PRTG: variants seen among roughly 807,000 people sequenced by gnomAD.
PRTG encodes immunoglobulin superfamily, DCC subclass, member 5.
Under a neutral mutation model 122.5 loss-of-function variants are expected in PRTG, and 67 were observed. The ratio of observed to expected loss-of-function variants is 0.55; its 90% CI spans 0.45 to 0.67. The LOEUF is 0.67. PRTG is among the 30% of genes least tolerant of loss of function. The pLI is 0.00. For synonymous variants in PRTG, 554 were observed against 501.1 expected (o/e 1.11, Z -1.41); for missense variants, 1,435 against 1,415.4 (o/e 1.01, Z -0.22).
In PRTG at chr15:55,618,765, A is replaced by G. The variant is rs956077259; in HGVS notation, c.*1247T>C. The G allele has an allele frequency of 2.6e-5, 4 of 152,220 alleles. No individual in the cohort carries two copies. Among genetic ancestry groups the G allele is most frequent in the Non-Finnish European group, 5.9e-5 (4 of 68,038 alleles). 9.4% of individuals were successfully genotyped at this position (152,220 alleles called of 1,614,324 possible). ...ATGCCTTGGTAAGATACTATACATC[A>G]AAATAGTTACTGATAAAATCCAAGA... On this transcript the variant is annotated 3_prime_UTR_variant, in exon 20 of 20. Coordinates refer to ENST00000389286, the MANE Select transcript of PRTG (RefSeq NM_173814.6).
chr15:55,682,324 TA>T, intron 4 of PRTG, 39 bp downstream of exon 4: 1 of 1,486,166 alleles, frequency 6.7e-7, no homozygotes, highest in Non-Finnish European at 9.0e-7. Flanking sequence ...ACTGCGCCAA[TA>T]AAACGTCATA....
At chr15:55,741,649 G>A (rs12438394) in intron 1 of PRTG, among the ~76,000 whole-genome samples, 56,060 of 152,030 alleles carry the variant, frequency 0.37, 12,778 homozygotes, top group Non-Finnish European at 0.52. Context: ...GGTGTGTGGG[G>A]GAAGCGTTGC....
intron 11 of PRTG, among the ~76,000 whole-genome samples, chr15:55,662,095 G>C (rs954345561): frequency 1.3e-5 from 2 of 152,190 alleles, no homozygotes; most frequent in Admixed American, 1.3e-4. Flanking sequence ...AAATTTTTTG[G>C]AAAGTTGAAC....
At position 55,681,085 on chromosome 15, in the gene PRTG, C is replaced by T. The variant is rs181400383; in HGVS notation, c.677-457G>A. Reference sequence around the variant, plus strand: ...TGTTACATGTATAAGTACTTCATTCCTTTATATTGAGCAATATATATCATT... The same window carrying T: ...TGTTACATGTATAAGTACTTCATTCTTTTATATTGAGCAATATATATCATT... On this transcript the variant is annotated intron_variant, in intron 4 of 19. Coordinates refer to ENST00000389286, the MANE Select transcript of PRTG (RefSeq NM_173814.6). Among the ~76,000 whole-genome samples the T allele has an allele frequency of 6.6e-5, 10 of 152,136 alleles. No homozygotes were observed. In the East Asian group the frequency reaches 1.7e-3, roughly 26 times the overall value.
Position 55,725,745 on chromosome 15 carries a change from T to G in PRTG, c.397+14637A>C, listed in dbSNP as rs146618034. Among the ~76,000 whole-genome samples the G allele has an allele frequency of 3.6e-3, 544 of 152,282 alleles. 4 individuals carry two copies. Among genetic ancestry groups the G allele is most frequent in the African/African-American group, 7.9e-3 (327 of 41,574 alleles). On this transcript the variant is annotated intron_variant, in intron 2 of 19. Coordinates refer to ENST00000389286, the MANE Select transcript of PRTG (RefSeq NM_173814.6). ...AAATGGATTTTTAAAAACTCATGAT[T>G]GAACTGTAAGCTGTCTACAAGAGAC...
At chr15:55,683,062 C>G (rs934017147) in intron 3 of PRTG, among the ~76,000 whole-genome samples, 8 of 152,100 alleles carry the variant, frequency 5.3e-5, no homozygotes, top group African/African-American at 9.7e-5. Flanking sequence ...TTTACAGAGT[C>G]TCATTTGACA....
intron 11 of PRTG, among the ~76,000 whole-genome samples, chr15:55,663,775 C>G (rs934833720): frequency 6.6e-6 from 1 of 152,152 alleles, no homozygotes; most frequent in Non-Finnish European, 1.5e-5. Context: ...CTCCTGACCT[C>G]AGGTGATCCA....
At chr15:55,681,453 T>C (rs1296468938) in intron 4 of PRTG, 4 of 152,102 alleles carry the variant, frequency 2.6e-5, no homozygotes, top group Non-Finnish European at 4.4e-5. Context: ...CTATCATCTA[T>C]TGCATTTTAA....
Position 55,619,817 on chromosome 15 carries a change from T to TC in PRTG, c.*194dup. 1.2e-6 allele frequency: 1 copy of TC among 852,068 alleles called. No homozygotes were observed. Among genetic ancestry groups the TC allele is most frequent in the Admixed American group, 3.1e-5 (1 of 31,930 alleles). The allele number at this position is 852,068 out of a possible 1,614,324, so 52.8% of individuals were successfully genotyped here. A position where few individuals can be genotyped will look rare whatever the true frequency, so the allele number is the denominator to read the frequency against. On this transcript the variant is annotated 3_prime_UTR_variant, in exon 20 of 20. Coordinates refer to ENST00000389286, the MANE Select transcript of PRTG (RefSeq NM_173814.6). ...AAAGGCTTTGGTTCCCTGTTCATTG[T>TC]CCTTCGAACAGATTTAATGGTGAGA...
chr15:55,649,791 CAATAAATAAATA>C (rs59626091), intron 11 of PRTG, among the ~76,000 whole-genome samples: 105,920 of 147,860 alleles, frequency 0.72, 39,293 homozygotes, highest in Non-Finnish European at 0.81. Context: ...GACTCAGTCT[CAATAAATAAATA>C]AATAAATAAA....
At chr15:55,681,750 A>C (rs2059539495) in intron 4 of PRTG, among the ~76,000 whole-genome samples, 1 of 152,214 alleles carries the variant, frequency 6.6e-6, no homozygotes, top group Non-Finnish European at 1.5e-5. Flanking sequence ...ATACGACTAG[A>C]AACAAGCATA....
At chr15:55,692,331 A>T (rs954837586) in intron 2 of PRTG, among the ~76,000 whole-genome samples, 1 of 152,164 alleles carries the variant, frequency 6.6e-6, no homozygotes, top group Admixed American at 6.6e-5. Flanking sequence ...TATGGGTTTT[A>T]ATGATGGCAG....
chr15:55,642,112 T>C (rs999908086), intron 11 of PRTG, among the ~76,000 whole-genome samples: 5 of 140,572 alleles, frequency 3.6e-5, no homozygotes, highest in African/African-American at 1.1e-4. Flanking sequence ...AAGCGGAGCT[T>C]GCAGTGAGCC....
intron 11 of PRTG, among the ~76,000 whole-genome samples, chr15:55,643,357 T>C (rs1327852927): frequency 6.6e-6 from 1 of 152,210 alleles, no homozygotes; most frequent in African/African-American, 2.4e-5. Flanking sequence ...TTTGGATACA[T>C]CCTCTTATTT....
chr15:55,742,694 G>T, intron 1 of PRTG, 144 bp downstream of exon 1: 1 of 977,958 alleles, frequency 1.0e-6, no homozygotes, highest in Non-Finnish European at 1.5e-6. Flanking sequence ...AGGCCGCAGG[G>T]CGAGAGCGGG....
At chr15:55,742,783 T>TCGCGCC (rs1423525869) in intron 1 of PRTG, 55 bp downstream of exon 1, 99 of 1,535,200 alleles carry the variant, frequency 6.4e-5, no homozygotes, top group Middle Eastern at 6.1e-4. Context: ...CCCATCCCAC[T>TCGCGCC]CGCGCCCGCT....
At chr15:55,696,756 A>C (rs781720575) in intron 2 of PRTG, among the ~76,000 whole-genome samples, 3 of 152,346 alleles carry the variant, frequency 2.0e-5, no homozygotes, top group Admixed American at 2.0e-4. Context: ...CCATTCTATA[A>C]GTGGTTTATT....
chr15:55,641,524 G>A (rs886559391), intron 11 of PRTG, among the ~76,000 whole-genome samples: 1 of 152,006 alleles, frequency 6.6e-6, no homozygotes, highest in African/African-American at 2.4e-5. Flanking sequence ...GATTTTAAAA[G>A]CCTTCAGTTT....
At chr15:55,634,583 G>A (rs1358784389) in intron 15 of PRTG, among the ~76,000 whole-genome samples, 1 of 152,096 alleles carries the variant, frequency 6.6e-6, no homozygotes, top group Non-Finnish European at 1.5e-5. Flanking sequence ...GCTCATGCCT[G>A]TAATCCTAGC....
Sources: allele counts gnomAD v4.1 joint callset (sites outside exome capture counted in the v4.1 genomes callset), GRCh38; gene constraint gnomAD v4.1.1; transcripts MANE v1.5; gene names NCBI Gene and HGNC (gene_info 2026-07-23, HGNC 2026-07-21).